The following TAOK1 variants were observed in gnomAD, a reference collection of about 807,000 sequenced individuals.
TAOK1 encodes the protein TAO kinase 1.
TAOK1 carries 21 observed loss-of-function variants against 138.3 expected under a neutral mutation model. That is an observed-to-expected ratio of 0.15 (90% CI 0.11 to 0.22). The LOEUF is 0.22. Ranked by LOEUF, TAOK1 falls within the 10% of genes least tolerant of loss-of-function variation. The probability of loss-of-function intolerance (pLI) is 1.00; values close to 1 mark genes in which losing one functional copy is unlikely to be tolerated. For synonymous variants in TAOK1, 361 were observed against 398.4 expected, an observed-to-expected ratio of 0.91 and a Z score of 1.12; for missense variants, 651 against 1,227.7, an observed-to-expected ratio of 0.53 and a Z score of 7.02.
chr17:29,432,777 A>T (rs1355868243), intron 1 of TAOK1, among the ~76,000 whole-genome samples: 9 of 145,220 alleles, frequency 6.2e-5, no homozygotes, highest in South Asian at 2.2e-4. Flanking sequence ...ACCTGTCCAA[A>T]TTTTTTTTTT....
chr17:29,521,646 G>A (rs2031918519), intron 16 of TAOK1, among the ~76,000 whole-genome samples: 1 of 152,162 alleles, frequency 6.6e-6, no homozygotes, highest in African/African-American at 2.4e-5. Flanking sequence ...GCAGCGGCTT[G>A]ATCTCAGCTC....
intron 1 of TAOK1, among the ~76,000 whole-genome samples, chr17:29,422,320 C>T (rs1001592691): frequency 6.6e-6 from 1 of 152,108 alleles, no homozygotes; most frequent in African/African-American, 2.4e-5. Flanking sequence ...TCTCCTGCCT[C>T]AGCCTCCTGA....
intron 11 of TAOK1, among the ~76,000 whole-genome samples, chr17:29,496,650 C>G (rs558105159): frequency 2.2e-4 from 30 of 136,968 alleles, no homozygotes; most frequent in South Asian, 1.4e-3. Flanking sequence ...TACAGTGGCA[C>G]GATCTCGGCT....
At chr17:29,420,585 GTT>G (rs71360703) in intron 1 of TAOK1, among the ~76,000 whole-genome samples, 2 of 123,520 alleles carry the variant, frequency 1.6e-5, no homozygotes, top group Non-Finnish European at 3.3e-5. Context: ...TACTTAATCT[GTT>G]TTTTTTTTTT....
At chr17:29,410,784 C>T (rs904264177) in intron 1 of TAOK1, among the ~76,000 whole-genome samples, 2 of 151,108 alleles carry the variant, frequency 1.3e-5, no homozygotes, top group African/African-American at 4.9e-5. Context: ...TACAGGCGCC[C>T]ACCACCACGC....
At chr17:29,507,772 G>C in intron 13 of TAOK1, 124 bp from the exon 14 acceptor site, 1 of 862,176 alleles carries the variant, frequency 1.2e-6, no homozygotes. Flanking sequence ...AATTTCCTTG[G>C]AATCTGCTAA....
At chr17:29,454,664 A>G (rs1480957134) in intron 2 of TAOK1, among the ~76,000 whole-genome samples, 7 of 151,484 alleles carry the variant, frequency 4.6e-5, no homozygotes, top group African/African-American at 1.7e-4. Context: ...CAAATGTTTC[A>G]CCTCCATGCA....
At chr17:29,517,883 T>A (rs899034135) in intron 16 of TAOK1, among the ~76,000 whole-genome samples, 2 of 151,868 alleles carry the variant, frequency 1.3e-5, no homozygotes, top group Admixed American at 1.3e-4. Flanking sequence ...TTCAAGACAG[T>A]CTCTCCATGT....
At chr17:29,480,514 T>C (rs1200866467) in intron 7 of TAOK1, 33 bp downstream of exon 7, 2 of 1,540,950 alleles carry the variant, frequency 1.3e-6, no homozygotes, top group Non-Finnish European at 1.8e-6. Context: ...GCAGCTGTTT[T>C]AAGTGTCTGT....
intron 15 of TAOK1, chr17:29,511,360 A>G (rs2031716508): frequency 6.6e-6 from 1 of 152,276 alleles, no homozygotes; most frequent in Non-Finnish European, 1.5e-5. Context: ...CAGCCTCCCT[A>G]GTAGCTGGGA....
intron 7 of TAOK1, among the ~76,000 whole-genome samples, chr17:29,481,963 A>T (rs759856760): frequency 6.6e-6 from 1 of 152,150 alleles, no homozygotes; most frequent in Non-Finnish European, 1.5e-5. Flanking sequence ...CTGTCTCAAA[A>T]AAATAAATAA....
At position 29,545,937 on chromosome 17, in the gene TAOK1, G is replaced by A. The variant is rs1459103449; in HGVS notation, c.*2915G>A. ...GGTATCCAGAGGCTGGCTGTAAAAAGTTCCTTGGGGTCACTCTATCTCACA... is the reference window on the plus strand; with the variant it reads ...GGTATCCAGAGGCTGGCTGTAAAAAATTCCTTGGGGTCACTCTATCTCACA... On this transcript the variant is annotated 3_prime_UTR_variant, in exon 20 of 20. Transcript: ENST00000261716. The A allele has an allele frequency of 2.0e-5, 3 of 151,974 alleles. No individual in the cohort carries two copies. Among genetic ancestry groups the A allele is most frequent in the Non-Finnish European group, 4.4e-5 (3 of 67,936 alleles). 9.4% of individuals were successfully genotyped at this position (151,974 alleles called of 1,614,324 possible). A position where few individuals can be genotyped will look rare whatever the true frequency, so the allele number is the denominator to read the frequency against.
chr17:29,469,869 A>G (rs2030772700), intron 3 of TAOK1, among the ~76,000 whole-genome samples: 1 of 152,222 alleles, frequency 6.6e-6, no homozygotes, highest in Admixed American at 6.5e-5. Flanking sequence ...CTTAAAGACC[A>G]TAGAACAGAT....
At chr17:29,468,088 A>G (rs1054173683) in intron 3 of TAOK1, among the ~76,000 whole-genome samples, 1 of 147,598 alleles carries the variant, frequency 6.8e-6, no homozygotes, top group Non-Finnish European at 1.5e-5. Flanking sequence ...TGGCCTCCCA[A>G]AATGCTGGGA....
At chr17:29,459,493 G>T (rs1395150583) in intron 2 of TAOK1, among the ~76,000 whole-genome samples, 1 of 151,826 alleles carries the variant, frequency 6.6e-6, no homozygotes, top group Non-Finnish European at 1.5e-5. Context: ...CACCATGTTG[G>T]CCAGGCTGGT....
chr17:29,487,246 C>CAAAAAAAAAAAAA (rs71138823), intron 8 of TAOK1, among the ~76,000 whole-genome samples: 2 of 90,292 alleles, frequency 2.2e-5, no homozygotes, highest in African/African-American at 1.0e-4. Flanking sequence ...ACTGTGTCTC[C>CAAAAAAAAAAAAA]AAAAAAAAAA....
intron 1 of TAOK1, among the ~76,000 whole-genome samples, chr17:29,449,704 G>A (rs1007733902): frequency 1.3e-5 from 2 of 152,078 alleles, no homozygotes. Context: ...AGCCGGGGGC[G>A]GTGGTGCGTG....
chr17:29,541,291 G>A (rs1326227919), intron 19 of TAOK1, among the ~76,000 whole-genome samples: 1 of 147,894 alleles, frequency 6.8e-6, no homozygotes, highest in Non-Finnish European at 1.5e-5. Context: ...TGTATTTTTA[G>A]TAGAGATGGG....
intron 19 of TAOK1, among the ~76,000 whole-genome samples, chr17:29,540,595 A>C (rs943183933): frequency 6.6e-6 from 1 of 150,830 alleles, no homozygotes; most frequent in African/African-American, 2.4e-5. Flanking sequence ...TTTGAGATGG[A>C]GTTTCACTCT....
Sources: gnomAD v4.1 joint callset for allele counts (sites outside exome capture counted in the v4.1 genomes callset) on GRCh38, gnomAD v4.1.1 for gene constraint, MANE v1.5 for transcripts, NCBI Gene and HGNC (gene_info 2026-07-23, HGNC 2026-07-21) for gene names.